Variants in GAS7 observed in about 807,000 individuals in gnomAD.
GAS7 encodes the protein growth arrest-specific protein 7.
In GAS7, 28 loss-of-function variants were observed where a neutral mutation model predicts 71.1. The ratio of observed to expected loss-of-function variants is 0.39; its 90% CI spans 0.29 to 0.54. The LOEUF (loss-of-function observed/expected upper bound fraction) is 0.54. Ranked by LOEUF, GAS7 falls within the 20% of genes least tolerant of loss-of-function variation. The pLI is 0.62. For synonymous variants in GAS7, 258 were observed against 245.8 expected (o/e 1.05, Z -0.46); for missense variants, 436 against 627.8 (o/e 0.69, Z 3.27).
At chr17:9,930,637 A>G (rs1597469088) in intron 9 of GAS7, among the ~76,000 whole-genome samples, 1 of 152,336 alleles carries the variant, frequency 6.6e-6, no homozygotes, top group Non-Finnish European at 1.5e-5. Context: ...AAAAACCACA[A>G]AAATTGCTGC....
intron 1 of GAS7, among the ~76,000 whole-genome samples, chr17:10,171,445 T>C (rs1047012093): frequency 9.8e-5 from 15 of 152,306 alleles, no homozygotes; most frequent in African/African-American, 3.4e-4. Context: ...GGAAATCGGC[T>C]TCCCTTGAAG....
intron 1 of GAS7, among the ~76,000 whole-genome samples, chr17:10,032,335 G>T (rs1337331048): frequency 6.6e-6 from 1 of 152,114 alleles, no homozygotes; most frequent in African/African-American, 2.4e-5. Context: ...CTGATGAACT[G>T]TTGAGGAATG....
intron 1 of GAS7, among the ~76,000 whole-genome samples, chr17:10,021,163 G>A (rs1184080870): frequency 3.9e-5 from 6 of 152,180 alleles, no homozygotes; most frequent in Non-Finnish European, 7.3e-5. Flanking sequence ...GTAGCCATAC[G>A]AAGAGAGTAG....
chr17:10,089,345 C>A (rs545634194), intron 1 of GAS7, among the ~76,000 whole-genome samples: 99 of 152,164 alleles, frequency 6.5e-4, no homozygotes, highest in Non-Finnish European at 1.2e-3. Context: ...AAAATGCAAG[C>A]CCGCAAATCT....
At chr17:10,149,591 CCTAG>C (rs1472712879) in intron 1 of GAS7, among the ~76,000 whole-genome samples, 1 of 152,152 alleles carries the variant, frequency 6.6e-6, no homozygotes, top group African/African-American at 2.4e-5. Context: ...TAATTCCACT[CCTAG>C]CTAGAGACCC....
At chr17:10,031,496 TC>T (rs1287526028) in intron 1 of GAS7, among the ~76,000 whole-genome samples, 13 of 152,208 alleles carry the variant, frequency 8.5e-5, no homozygotes, top group African/African-American at 3.1e-4. Context: ...GGACGGCCCC[TC>T]CTGGGTCAGA....
At chr17:10,104,376 C>T (rs2142057450) in intron 1 of GAS7, among the ~76,000 whole-genome samples, 1 of 152,292 alleles carries the variant, frequency 6.6e-6, no homozygotes, top group East Asian at 1.9e-4. Flanking sequence ...TCTGTGTGTT[C>T]TTAAATGTCA....
chr17:9,975,605 G>A (rs1291880950), intron 3 of GAS7, among the ~76,000 whole-genome samples: 4 of 149,134 alleles, frequency 2.7e-5, no homozygotes. Context: ...ACAGCCTAAT[G>A]TTTCCCCAGG....
chr17:10,159,914 T>C (rs1567614712), intron 1 of GAS7, among the ~76,000 whole-genome samples: 1 of 151,938 alleles, frequency 6.6e-6, no homozygotes, highest in East Asian at 1.9e-4. Context: ...GTCTCCTGAG[T>C]AGCTGGGACT....
At chr17:10,163,441 TAAAA>T (rs879517796) in intron 1 of GAS7, among the ~76,000 whole-genome samples, 1 of 135,062 alleles carries the variant, frequency 7.4e-6, no homozygotes, top group Admixed American at 7.4e-5. Context: ...ATTTTTAATT[TAAAA>T]AAAAAAAAAA....
At chr17:10,122,889 G>T (rs1296721430) in intron 1 of GAS7, among the ~76,000 whole-genome samples, 1 of 152,072 alleles carries the variant, frequency 6.6e-6, no homozygotes, top group Non-Finnish European at 1.5e-5. Context: ...GGAGTGCAGT[G>T]GCGTGATCAT....
intron 1 of GAS7, among the ~76,000 whole-genome samples, chr17:10,183,821 G>A (rs375399402): frequency 4.4e-4 from 67 of 151,632 alleles, no homozygotes; most frequent in African/African-American, 1.5e-3. Context: ...CAGCCTGGGC[G>A]ACAGAGCGAG....
At chr17:10,091,317 G>A (rs2073579006) in intron 1 of GAS7, among the ~76,000 whole-genome samples, 1 of 152,146 alleles carries the variant, frequency 6.6e-6, no homozygotes. Flanking sequence ...TGAGAGAGAA[G>A]TAACGGTTGT....
At chr17:10,038,277 A>C (rs2072794418) in intron 1 of GAS7, among the ~76,000 whole-genome samples, 3 of 152,100 alleles carry the variant, frequency 2.0e-5, no homozygotes, top group Non-Finnish European at 2.9e-5. Context: ...AGAATCCAGG[A>C]GGCGGAGGGT....
At chr17:10,139,976 C>T (rs2074067637) in intron 1 of GAS7, among the ~76,000 whole-genome samples, 1 of 152,170 alleles carries the variant, frequency 6.6e-6, no homozygotes, top group African/African-American at 2.4e-5. Flanking sequence ...AAGTCAAAGA[C>T]AATTTTATTC....
intron 1 of GAS7, among the ~76,000 whole-genome samples, chr17:10,027,564 G>A (rs2072497619): frequency 1.3e-5 from 2 of 152,212 alleles, no homozygotes; most frequent in East Asian, 1.9e-4. Flanking sequence ...GCAGCTTCAC[G>A]CGGTATTCAC....
chr17:9,999,246 G>T lies in GAS7; in HGVS notation c.305-17362C>A, dbSNP rs143317031. Among the ~76,000 whole-genome samples, 401 of 152,262 alleles carry T rather than the reference G, an allele frequency of 2.6e-3. 1 individual carries two copies. Among genetic ancestry groups the T allele is most frequent in the Non-Finnish European group, 4.3e-3 (295 of 68,016 alleles). On this transcript the variant is annotated intron_variant, in intron 2 of 13. Coordinates refer to ENST00000432992, the MANE Select transcript of GAS7 (RefSeq NM_201433.2). Reference sequence around the variant, plus strand: ...ATAAATTATGCTAAAGGCCAGGTACGGTGGCTCATGCTTGTGATCCCAGCA... The same window carrying T: ...ATAAATTATGCTAAAGGCCAGGTACTGTGGCTCATGCTTGTGATCCCAGCA...
rs73271079 is a variant in GAS7, at chr17:9,944,259, C to T, written c.616-1023G>A. On this transcript the variant is annotated intron_variant, in intron 6 of 13. Coordinates refer to ENST00000432992, the MANE Select transcript of GAS7 (RefSeq NM_201433.2). ...CCATCCCAGGCATGTCTAAAAGTGTCCTCCTCCTTACAGCTTTTCCCTATC... is the reference window on the plus strand; with the variant it reads ...CCATCCCAGGCATGTCTAAAAGTGTTCTCCTCCTTACAGCTTTTCCCTATC... Among the ~76,000 whole-genome samples the T allele has an allele frequency of 9.1e-3, 1,393 of 152,314 alleles. 20 individuals carry two copies. Among genetic ancestry groups the T allele is most frequent in the African/African-American group, 0.031 (1,283 of 41,566 alleles).
In GAS7 at chr17:9,959,108, C is replaced by A. The variant is rs2069369641; in HGVS notation, c.525+94G>T. The stretch of plus-strand genomic sequence containing the variant: ...TTCCCCGTTTCCAGGTTGGGCATCA[C>A]TTCTGCTTGGCGGTCCACATCGCCA... On this transcript the variant is annotated intron_variant, in intron 5 of 13. Coordinates refer to ENST00000432992, the MANE Select transcript of GAS7 (RefSeq NM_201433.2). The surrounding 1 kb of genome is among the most constrained non-coding windows in gnomAD (Gnocchi z 5.0). The A allele has an allele frequency of 6.9e-7, 1 of 1,448,802 alleles. No individual in the cohort carries two copies. Among genetic ancestry groups the A allele is most frequent in the Non-Finnish European group, 9.3e-7 (1 of 1,076,236 alleles). The allele number at this position is 1,448,802 out of a possible 1,614,324, so 89.7% of individuals were successfully genotyped here. A position where few individuals can be genotyped will look rare whatever the true frequency, so the allele number is the denominator to read the frequency against.
Sources: allele counts gnomAD v4.1 joint callset (sites outside exome capture counted in the v4.1 genomes callset), GRCh38; gene constraint gnomAD v4.1.1; non-coding constraint Gnocchi (gnomAD v3.1); transcripts MANE v1.5; gene names NCBI Gene and HGNC (gene_info 2026-07-23, HGNC 2026-07-21).